Variants in ANK3 observed in about 807,000 individuals in gnomAD.
ANK3 encodes ankyrin 3.
In ANK3, 57 loss-of-function variants were observed where a neutral mutation model predicts 370.9. That is an observed-to-expected ratio of 0.15 (90% CI 0.12 to 0.19). ANK3 has a LOEUF of 0.19. Ranked by LOEUF, ANK3 falls within the 10% of genes least tolerant of loss-of-function variation. The pLI is 1.00. For synonymous variants in ANK3, 1,929 were observed against 1,946.3 expected, an observed-to-expected ratio of 0.99 and a Z score of 0.23; for missense variants, 4,439 against 5,302.1, an observed-to-expected ratio of 0.84 and a Z score of 5.06.
rs71495625 is a variant in ANK3 at position 60,135,302 on chromosome 10, T to C, written c.2739-929A>G. ...GGTGAGGAGCTTCCACGAGATCATC[T>C]GCTACTCACCTCCCCATCTCACCTG... On this transcript the variant is annotated intron_variant, in intron 24 of 43. Transcript: ENST00000280772. 5.1e-3 allele frequency among the ~76,000 whole-genome samples: 778 copies of C among 152,370 alleles called. 2 individuals are homozygous for C. Among genetic ancestry groups the C allele is most frequent in the Non-Finnish European group, 7.8e-3 (530 of 68,032 alleles).
At chr10:60,330,820 T>A (rs2051065104) in intron 1 of ANK3, among the ~76,000 whole-genome samples, 1 of 152,194 alleles carries the variant, frequency 6.6e-6, no homozygotes, top group Non-Finnish European at 1.5e-5. Flanking sequence ...TGCATATGTA[T>A]GTTTATTGCG....
At chr10:60,137,430 G>GA (rs965168911) in intron 24 of ANK3, 31 of 235,178 alleles carry the variant, frequency 1.3e-4, no homozygotes, top group African/African-American at 5.0e-4. Flanking sequence ...AGGGAAAAAA[G>GA]AAAAAAAATG....
chr10:60,220,198 T>A (rs889661917), intron 8 of ANK3, among the ~76,000 whole-genome samples: 1 of 152,100 alleles, frequency 6.6e-6, no homozygotes, highest in Non-Finnish European at 1.5e-5. Flanking sequence ...GTACAGTGAT[T>A]TTTTTTTATG....
intron 23 of ANK3, among the ~76,000 whole-genome samples, chr10:60,159,398 A>G (rs2095436643): frequency 1.3e-5 from 2 of 152,212 alleles, no homozygotes; most frequent in Admixed American, 1.3e-4. Context: ...TATACACACC[A>G]AATGCTGGAG....
rs187406406 is a variant in ANK3 at position 60,267,019 on chromosome 10, G to C, written c.514-2999C>G. Among the ~76,000 whole-genome samples the C allele has an allele frequency of 4.5e-4, 68 of 152,246 alleles. No homozygotes were observed. The East Asian group carries it at 0.013, about 28-fold the overall frequency. On this transcript the variant is annotated intron_variant, in intron 5 of 43. Coordinates refer to ENST00000280772, the MANE Select transcript of ANK3 (RefSeq NM_020987.5). ...GAAAAGATATGAGATGCAGTACACA[G>C]TAATACAAAAACGTTTTAAAAACCA...
chr10:60,247,046 C>T (rs370361256), intron 7 of ANK3, among the ~76,000 whole-genome samples: 3 of 152,148 alleles, frequency 2.0e-5, no homozygotes, highest in East Asian at 3.9e-4. Flanking sequence ...GATGGAGTCT[C>T]GCTCTATTGC....
At chr10:60,649,197 T>C (rs1459368911) in intron 1 of ANK3, among the ~76,000 whole-genome samples, 1 of 152,090 alleles carries the variant, frequency 6.6e-6, no homozygotes, top group Admixed American at 6.5e-5. Flanking sequence ...TTCTGACATA[T>C]GCTCTCCCAG....
At chr10:60,421,290 G>A (rs2063773625) in intron 2 of ANK3, among the ~76,000 whole-genome samples, 1 of 152,052 alleles carries the variant, frequency 6.6e-6, no homozygotes, top group Non-Finnish European at 1.5e-5. Context: ...ATTAATGCCA[G>A]TGAATTGTGT....
rs537623584 is a variant in ANK3 at position 60,033,514 on chromosome 10, C to CAAA, written c.*20-3691_*20-3689dup. 3.9e-3 allele frequency among the ~76,000 whole-genome samples: 197 copies of CAAA among 50,570 alleles called. 1 individual carries two copies. Among genetic ancestry groups the CAAA allele is most frequent in the African/African-American group, 5.4e-3 (77 of 14,338 alleles). The allele number at this position is 50,570 out of a possible 152,430, so 33.2% of individuals were successfully genotyped here. A position where few individuals can be genotyped will look rare whatever the true frequency, so the allele number is the denominator to read the frequency against. Reference sequence around the variant, plus strand: ...TGGACAACATAGCGAGACTCAGTCTCAAAAAAAAAAAAAAAAAAAAAAAAA... The same window carrying CAAA: ...TGGACAACATAGCGAGACTCAGTCTCAAAAAAAAAAAAAAAAAAAAAAAAAAAA... On this transcript the variant is annotated intron_variant, in intron 43 of 43. Transcript: ENST00000280772.
At chr10:60,374,700 A>G (rs2060532151) in intron 1 of ANK3, among the ~76,000 whole-genome samples, 1 of 152,200 alleles carries the variant, frequency 6.6e-6, no homozygotes, top group South Asian at 2.1e-4. Flanking sequence ...GAAAACAAGA[A>G]CACTGTGGGT....
At position 60,699,696 on chromosome 10, in the gene ANK3, T is replaced by C. The variant is rs867361388; in HGVS notation, c.57+33567A>G. Among the ~76,000 whole-genome samples the C allele has an allele frequency of 7.2e-5, 11 of 152,242 alleles. No individual in the cohort carries two copies. In the Middle Eastern group the frequency reaches 0.014, roughly 192 times the overall value. ...TCCATACAGGAAGAGGAAGGAAATA[T>C]ACATTTAAGGAGAGAAGAAAATGTA... On this transcript the variant is annotated intron_variant, in intron 1 of 43. Transcript: ENST00000373827.
chr10:60,455,842 A>T (rs2064733777), intron 2 of ANK3, among the ~76,000 whole-genome samples: 1 of 152,192 alleles, frequency 6.6e-6, no homozygotes, highest in Non-Finnish European at 1.5e-5. Context: ...TCATAGAATC[A>T]GTCCTTCCAC....
chr10:60,137,626 AC>A (rs2094415094), intron 24 of ANK3, among the ~76,000 whole-genome samples: 1 of 152,108 alleles, frequency 6.6e-6, no homozygotes, highest in Admixed American at 6.6e-5. Context: ...TATAATAGCA[AC>A]AAATAATAGT....
At chr10:60,670,828 G>A (rs1462069083) in intron 1 of ANK3, among the ~76,000 whole-genome samples, 1 of 152,234 alleles carries the variant, frequency 6.6e-6, no homozygotes, top group African/African-American at 2.4e-5. Context: ...TGGGAGTGTT[G>A]TGCGGCACTT....
At chr10:60,219,109 G>A (rs897576140) in intron 8 of ANK3, among the ~76,000 whole-genome samples, 4 of 151,648 alleles carry the variant, frequency 2.6e-5, no homozygotes, top group African/African-American at 9.7e-5. Flanking sequence ...AAGTTCTCAC[G>A]CTGTGTTTTT....
intron 1 of ANK3, among the ~76,000 whole-genome samples, chr10:60,652,546 TG>T (rs1352932568): frequency 6.6e-6 from 1 of 151,880 alleles, no homozygotes; most frequent in Non-Finnish European, 1.5e-5. Context: ...GAGGCATAAA[TG>T]GGGGCATGAT....
At chr10:60,104,839 G>A (rs766495284) in intron 28 of ANK3, among the ~76,000 whole-genome samples, 17 of 152,090 alleles carry the variant, frequency 1.1e-4, no homozygotes, top group Middle Eastern at 3.2e-3. Context: ...TTTCACATGT[G>A]CCTCACATAA....
intron 2 of ANK3, among the ~76,000 whole-genome samples, chr10:60,561,604 T>C (rs2077335869): frequency 6.6e-6 from 1 of 152,346 alleles, no homozygotes; most frequent in African/African-American, 2.4e-5. Flanking sequence ...CACAAAACAT[T>C]GGTTGGATTC....
At chr10:60,249,755 T>C (rs2097618174) in intron 7 of ANK3, among the ~76,000 whole-genome samples, 1 of 152,184 alleles carries the variant, frequency 6.6e-6, no homozygotes, top group African/African-American at 2.4e-5. Context: ...AGACCCCAGC[T>C]ACCATCAGTG....
Sources: allele counts gnomAD v4.1 joint callset (sites outside exome capture counted in the v4.1 genomes callset), GRCh38; gene constraint gnomAD v4.1.1; transcripts MANE v1.5; gene names NCBI Gene and HGNC (gene_info 2026-07-23, HGNC 2026-07-21).